PID1: variants seen among roughly 807,000 people sequenced by gnomAD.
PID1 encodes phosphotyrosine interaction domain containing 1, also known as PTB-containing, cubilin and LRP1-interacting protein.
In PID1, 10 loss-of-function variants were observed where a neutral mutation model predicts 19.1. The ratio of observed to expected loss-of-function variants is 0.52; its 90% CI spans 0.32 to 0.89. PID1 has a LOEUF of 0.89. Among genes scored for constraint, PID1 ranks in the 40% least tolerant of loss-of-function variants. PID1 has a pLI of 0.03. For synonymous variants in PID1, 130 were observed against 116.0 expected (o/e 1.12, Z -0.78); for missense variants, 248 against 285.3 (o/e 0.87, Z 0.94).
At chr2:229,180,911 T>A (rs1690928115) in intron 1 of PID1, among the ~76,000 whole-genome samples, 1 of 152,226 alleles carries the variant, frequency 6.6e-6, no homozygotes. Flanking sequence ...GTTCAACTGC[T>A]GTTTCACTGG....
At chr2:229,060,853 C>G (rs1694198972) in intron 2 of PID1, among the ~76,000 whole-genome samples, 1 of 149,892 alleles carries the variant, frequency 6.7e-6, no homozygotes, top group Non-Finnish European at 1.5e-5. Context: ...TTTGCATTTC[C>G]CTGATGATTA....
At chr2:229,075,960 C>A (rs896611754) in intron 2 of PID1, among the ~76,000 whole-genome samples, 8 of 152,172 alleles carry the variant, frequency 5.3e-5, no homozygotes, top group African/African-American at 1.7e-4. Context: ...ACCACTTTGT[C>A]TCTTACTTTC....
Position 229,075,922 on chromosome 2 carries a change from T to A in PID1, c.178-49814A>T, listed in dbSNP as rs1574608588. On this transcript the variant is annotated intron_variant, in intron 2 of 2. Transcript: ENST00000392055. ...CTTCTTCAGGGTGGTGGCTGGACCT[T>A]CACATCACCTTACTACTGCTTCTAC... is the stretch of plus-strand genomic sequence containing the variant. Among the ~76,000 whole-genome samples the A allele has an allele frequency of 2.0e-5, 3 of 152,300 alleles. No individual in the cohort carries two copies. In the South Asian group the frequency reaches 6.2e-4, roughly 32 times the overall value.
intron 2 of PID1, among the ~76,000 whole-genome samples, chr2:229,108,555 A>G (rs547435248): frequency 6.6e-6 from 1 of 152,342 alleles, no homozygotes; most frequent in South Asian, 2.1e-4. Context: ...CCTGAAGGAT[A>G]TGGTGTCTAT....
At chr2:229,073,476 T>C (rs775210994) in intron 2 of PID1, among the ~76,000 whole-genome samples, 2 of 152,218 alleles carry the variant, frequency 1.3e-5, no homozygotes, top group Non-Finnish European at 2.9e-5. Context: ...TCTACGCTTC[T>C]AGAGGAGTTG....
intron 1 of PID1, among the ~76,000 whole-genome samples, chr2:229,227,476 G>A (rs1184263173): frequency 6.6e-6 from 1 of 152,134 alleles, no homozygotes; most frequent in African/African-American, 2.4e-5. Context: ...ACAATTTACT[G>A]AAGTTACAGA....
intron 1 of PID1, among the ~76,000 whole-genome samples, chr2:229,243,511 C>T (rs1689927584): frequency 6.6e-6 from 1 of 152,020 alleles, no homozygotes; most frequent in Admixed American, 6.6e-5. Flanking sequence ...CTGCGCACTC[C>T]CAGAAGACAA....
intron 2 of PID1, among the ~76,000 whole-genome samples, chr2:229,133,400 GTCC>G (rs1689785537): frequency 6.6e-6 from 1 of 152,222 alleles, no homozygotes; most frequent in African/African-American, 2.4e-5. Context: ...GACTTGAGTA[GTCC>G]TCCTACGGCA....
chr2:229,184,801 C>CTGTATATATATAT (rs1691076937), intron 1 of PID1, among the ~76,000 whole-genome samples: 1 of 18,580 alleles, frequency 5.4e-5, no homozygotes, highest in African/African-American at 3.4e-4. Context: ...TATATATATC[C>CTGTATATATATAT]CGTATATATA....
intron 2 of PID1, among the ~76,000 whole-genome samples, chr2:229,149,166 T>C (rs1047195786): frequency 1.3e-5 from 2 of 152,014 alleles, no homozygotes; most frequent in Non-Finnish European, 2.9e-5. Flanking sequence ...ATTCAAGAAA[T>C]GCCCCAAATG....
chr2:229,048,614 C>G (rs547308060), intron 2 of PID1, among the ~76,000 whole-genome samples: 14 of 152,260 alleles, frequency 9.2e-5, no homozygotes, highest in African/African-American at 3.1e-4. Flanking sequence ...CCATCAGCTC[C>G]ATGTAGGCTG....
intron 2 of PID1, among the ~76,000 whole-genome samples, chr2:229,103,231 A>G (rs1407843622): frequency 5.3e-5 from 8 of 152,188 alleles, no homozygotes; most frequent in Admixed American, 2.6e-4. Flanking sequence ...AGTCCCCAGT[A>G]CCTGCAGCAA....
chr2:229,029,581 G>A (rs893937852), intron 2 of PID1, among the ~76,000 whole-genome samples: 4 of 152,086 alleles, frequency 2.6e-5, no homozygotes, highest in South Asian at 4.1e-4. Context: ...AGTGGCTCAC[G>A]CTTGTAATCC....
chr2:229,044,175 G>A lies in PID1; in HGVS notation c.178-18067C>T, dbSNP rs147069905. On this transcript the variant is annotated intron_variant, in intron 2 of 2. Coordinates refer to ENST00000392055, the MANE Select transcript of PID1 (RefSeq NM_001100818.2). Reference sequence around the variant, plus strand: ...TGTTTGCATATTGACTTTTTCGACTGTGCTTTTCCCAAAACCCTTCTGTTG... The same window carrying A: ...TGTTTGCATATTGACTTTTTCGACTATGCTTTTCCCAAAACCCTTCTGTTG... 6.3e-3 allele frequency among the ~76,000 whole-genome samples: 954 copies of A among 152,132 alleles called. 2 individuals carry two copies. Among genetic ancestry groups the A allele is most frequent in the Non-Finnish European group, 9.2e-3 (628 of 67,984 alleles).
At chr2:229,242,873 C>T (rs1481014333) in intron 1 of PID1, among the ~76,000 whole-genome samples, 1 of 152,110 alleles carries the variant, frequency 6.6e-6, no homozygotes, top group African/African-American at 2.4e-5. Flanking sequence ...CCTTCTCCAA[C>T]CCTTCAGCCT....
chr2:229,168,871 T>C (rs780176329), intron 1 of PID1, among the ~76,000 whole-genome samples: 84 of 152,244 alleles, frequency 5.5e-4, no homozygotes, highest in Non-Finnish European at 9.7e-4. Context: ...TAGAACTGGG[T>C]TGAGTTTGGG....
chr2:229,186,970 C>G (rs752909523), intron 1 of PID1, among the ~76,000 whole-genome samples: 4 of 152,186 alleles, frequency 2.6e-5, no homozygotes, highest in Non-Finnish European at 4.4e-5. Context: ...AATCATCTCT[C>G]TCAAGTTCAA....
chr2:229,179,067 T>TA (rs1690885692), intron 1 of PID1, among the ~76,000 whole-genome samples: 1 of 152,176 alleles, frequency 6.6e-6, no homozygotes, highest in Non-Finnish European at 1.5e-5. Context: ...TGCAAATGTT[T>TA]AAAAAGAGAA....
chr2:229,101,627 A>G (rs1262716461), intron 2 of PID1, among the ~76,000 whole-genome samples: 3 of 152,220 alleles, frequency 2.0e-5, no homozygotes, highest in Non-Finnish European at 4.4e-5. Flanking sequence ...CACCCATTTT[A>G]CAAGGCAAGA....
Sources: allele counts gnomAD v4.1 joint callset (sites outside exome capture counted in the v4.1 genomes callset), GRCh38; gene constraint gnomAD v4.1.1; transcripts MANE v1.5; gene names NCBI Gene and HGNC (gene_info 2026-07-23, HGNC 2026-07-21).